The following PARVG variants were observed in gnomAD, a reference collection of about 807,000 sequenced individuals.
The protein encoded by PARVG is gamma-parvin.
In PARVG, 36 loss-of-function variants were observed where a neutral mutation model predicts 44.4. The ratio of observed to expected loss-of-function variants is 0.81; its 90% confidence interval spans 0.62 to 1.07. PARVG has a LOEUF of 1.07. Ranked by LOEUF, PARVG falls within the 50% of genes least tolerant of loss-of-function variation. The probability of loss-of-function intolerance (pLI) is 0.00; values close to 1 mark genes in which losing one functional copy is unlikely to be tolerated. For synonymous variants in PARVG, 170 were observed against 174.1 expected, an observed-to-expected ratio of 0.98 and a Z score of 0.19; for missense variants, 407 against 407.4, an observed-to-expected ratio of 1.00 and a Z score of 0.01.
intron 1 of PARVG, among the ~76,000 whole-genome samples, chr22:44,174,255 C>CA (rs1331927970): frequency 1.3e-5 from 2 of 151,784 alleles, no homozygotes; most frequent in Admixed American, 6.6e-5. Flanking sequence ...GCAGGTGGGG[C>CA]AGGGGGGTGG....
intron 9 of PARVG, among the ~76,000 whole-genome samples, chr22:44,194,714 T>TCATC (rs377192868): frequency 3.5e-4 from 41 of 118,580 alleles, no homozygotes; most frequent in African/African-American, 1.2e-3. Context: ...ATCCACGCAT[T>TCATC]CATCCATCCA....
Position 44,196,222 on chromosome 22 carries a change from G to A in PARVG, c.642+9G>A. 6.2e-7 allele frequency: 1 copy of A among 1,614,196 alleles called. No individual in the cohort carries two copies. On this transcript the variant is annotated intron_variant, in intron 10 of 13. Transcript: ENST00000444313. Reference sequence around the variant, plus strand: ...TGAACGCAGTGAAAGAGGTAGGAGAGATCAAAGCTCTCAGCGGCTCTCAGG... The same window carrying A: ...TGAACGCAGTGAAAGAGGTAGGAGAAATCAAAGCTCTCAGCGGCTCTCAGG...
chr22:44,187,702 G>A (rs2054492533), intron 4 of PARVG, 74 bp from the exon 5 acceptor site: 2 of 1,410,352 alleles, frequency 1.4e-6, no homozygotes, highest in Admixed American at 1.7e-5. Flanking sequence ...GCGAGAGGCA[G>A]GCATTCTGAG....
Position 44,190,575 on chromosome 22 carries a change from C to T in PARVG, c.413C>T (p.Ser138Phe). The T allele has an allele frequency of 6.2e-7, 1 of 1,614,188 alleles. No individual in the cohort carries two copies. Residue 138 changes from serine (S) to phenylalanine (F), a missense_variant, in exon 7 of 14, where the codon TCT becomes TTT. Coordinates refer to ENST00000444313, the MANE Select transcript of PARVG (RefSeq NM_022141.7). Reference protein sequence around the residue: ...VESIFNKDLLSTLHLLVALAK... With the variant: ...VESIFNKDLLFTLHLLVALAK... The stretch of plus-strand genomic sequence containing the variant: ...GGCATCTTCAACAAGGACCTGTTGT[C>T]TACCCTGCACCTCCTTGTGGCCCTG...
intron 9 of PARVG, 83 bp downstream of exon 9, chr22:44,193,906 T>C: frequency 6.6e-7 from 1 of 1,519,390 alleles, no homozygotes; most frequent in African/African-American, 1.4e-5. Flanking sequence ...GGTTAATTGC[T>C]GAGCATTCTC....
At chr22:44,179,812 A>T (rs1163913693), upstream of PARVG, among the ~76,000 whole-genome samples, 4 of 143,864 alleles carry the variant, frequency 2.8e-5, no homozygotes, top group African/African-American at 1.0e-4. This position sits in a 1 kb window ranked among gnomAD's most constrained non-coding sequence, Gnocchi z 4.2. Context: ...GGAGAAAGGA[A>T]TCTAACATAG....
At chr22:44,206,195 T>G in intron 13 of PARVG, 122 bp from the exon 14 acceptor site, 1 of 740,590 alleles carries the variant, frequency 1.4e-6, no homozygotes, top group Non-Finnish European at 2.3e-6. Flanking sequence ...TGTCCTGGCT[T>G]CCAGGGATTC....
chr22:44,181,408 C>A (rs2054374599), intron 1 of PARVG: 2 of 985,128 alleles, frequency 2.0e-6, no homozygotes, highest in Non-Finnish European at 2.4e-6. Context: ...GAGGAAGGGG[C>A]CTGGCCCGGG....
intron 12 of PARVG, among the ~76,000 whole-genome samples, chr22:44,200,321 C>T (rs1024681154): frequency 6.6e-6 from 1 of 152,212 alleles, no homozygotes; most frequent in African/African-American, 2.4e-5. Context: ...GAGTCTTGTG[C>T]TCTTCGCCAC....
At chr22:44,181,378 T>G in intron 1 of PARVG, 193 bp downstream of exon 1, 1 of 983,276 alleles carries the variant, frequency 1.0e-6, no homozygotes. Flanking sequence ...CAGGTAGGAG[T>G]CTCCTGCGTG....
chr22:44,203,013 C>CA (rs1358990078), intron 12 of PARVG, among the ~76,000 whole-genome samples: 1 of 152,190 alleles, frequency 6.6e-6, no homozygotes, highest in Non-Finnish European at 1.5e-5. Context: ...TCTCAAGCCA[C>CA]ACGCGGAAGA....
In PARVG at chr22:44,207,521, G is replaced by A. The variant is rs989215403; in HGVS notation, c.*1095G>A. On this transcript the variant is annotated 3_prime_UTR_variant, in exon 14 of 14. Transcript: ENST00000444313. ...TGGGGAGGGGTGAGGCTGGGGAGAAGGGCAACCACAGCCCCAGGCTGCTGC... is the reference window on the plus strand; with the variant it reads ...TGGGGAGGGGTGAGGCTGGGGAGAAAGGCAACCACAGCCCCAGGCTGCTGC... The A allele has an allele frequency of 4.6e-5, 7 of 152,404 alleles. No individual in the cohort carries two copies. Among genetic ancestry groups the A allele is most frequent in the African/African-American group, 1.2e-4 (5 of 41,284 alleles). The allele number at this position is 152,404 out of a possible 1,614,324, so 9.4% of individuals were successfully genotyped here.
At chr22:44,175,633 T>C (rs949909812) in intron 1 of PARVG, among the ~76,000 whole-genome samples, 88 of 151,934 alleles carry the variant, frequency 5.8e-4, no homozygotes, top group African/African-American at 1.9e-3. Context: ...GGAGCATTCA[T>C]TGGGTCAGTG....
chr22:44,193,720 G>A (rs2054580692), intron 8 of PARVG, 81 bp from the exon 9 acceptor site: 2 of 1,570,512 alleles, frequency 1.3e-6, no homozygotes, highest in Non-Finnish European at 1.7e-6. Flanking sequence ...CCAGCACTGA[G>A]GCTTGTCATA....
At position 44,173,461 on chromosome 22, in the gene PARVG, G is replaced by A. The variant is rs536346712; in HGVS notation, c.-189+270G>A. 2.6e-3 allele frequency among the ~76,000 whole-genome samples: 399 copies of A among 152,250 alleles called. 1 individual carries two copies. Among genetic ancestry groups the A allele is most frequent in the Non-Finnish European group, 4.4e-3 (298 of 68,022 alleles). ...GCACAGGTCATAGCAGGTTTCAGGT[G>A]CGTCGAATTTTACGAAATGATGATA... is the stretch of plus-strand genomic sequence containing the variant. On this transcript the variant is annotated intron_variant, in intron 1 of 13. Coordinates refer to the PARVG transcript ENST00000422871.
chr22:44,196,795 G>A (rs936555395), intron 11 of PARVG, among the ~76,000 whole-genome samples: 5 of 152,200 alleles, frequency 3.3e-5, no homozygotes, highest in Non-Finnish European at 5.9e-5. Context: ...TGTGCCAGGC[G>A]TAGGTGACAG....
upstream of PARVG, among the ~76,000 whole-genome samples, chr22:44,180,023 C>T (rs2054355426): frequency 6.6e-6 from 1 of 152,164 alleles, no homozygotes; most frequent in Admixed American, 6.5e-5. Flanking sequence ...ATCTATGGGC[C>T]GCAGCAGGGG....
chr22:44,190,436 C>G, intron 6 of PARVG, 115 bp from the exon 7 acceptor site: 4 of 750,446 alleles, frequency 5.3e-6, no homozygotes, highest in Non-Finnish European at 9.4e-6. Context: ...CTCCAGAAGG[C>G]TGGACACAGA....
exon 1 of PARVG, chr22:44,172,991 T>C: frequency 7.8e-7 from 1 of 1,289,632 alleles, no homozygotes; most frequent in Non-Finnish European, 1.0e-6. Context: ...TTCATGCATT[T>C]AGCAGTCATG....
Sources: allele counts gnomAD v4.1 joint callset (sites outside exome capture counted in the v4.1 genomes callset), GRCh38; gene constraint gnomAD v4.1.1; non-coding constraint Gnocchi (gnomAD v3.1); transcripts MANE v1.5; gene names NCBI Gene and HGNC (gene_info 2026-07-23, HGNC 2026-07-21).